The following IL1RAPL2 variants were observed in gnomAD, a reference collection of about 807,000 sequenced individuals.
The protein encoded by IL1RAPL2 is X-linked interleukin-1 receptor accessory protein-like 2.
A neutral mutation model predicts 44.1 loss-of-function variants in IL1RAPL2; 3 were observed. That is an observed-to-expected ratio of 0.07 (90% CI 0.03 to 0.18). The LOEUF is 0.18. Ranked by LOEUF, IL1RAPL2 falls within the 10% of genes least tolerant of loss-of-function variation. The pLI is 1.00. For missense variants in IL1RAPL2, 391 were observed against 496.4 expected (o/e 0.79, Z 2.02); for synonymous variants, 181 against 178.8 (o/e 1.01, Z -0.10).
At chrX:105,580,362 GT>G (rs149950677) in intron 6 of IL1RAPL2, among the ~76,000 whole-genome samples, 1,395 of 84,586 alleles carry the variant, frequency 0.016, 62 homozygotes, top group African/African-American at 0.039. Flanking sequence ...AACCCCCCGT[GT>G]TTTTTTTTTT....
At chrX:104,870,697 C>T (rs759231380) in intron 2 of IL1RAPL2, among the ~76,000 whole-genome samples, 49 of 111,827 alleles carry the variant, frequency 4.4e-4, no homozygotes, top group Middle Eastern at 4.6e-3. Context: ...GTCAGGGTGG[C>T]ATTATATTTT....
intron 5 of IL1RAPL2, among the ~76,000 whole-genome samples, chrX:105,471,816 G>T (rs1569445124): frequency 9.0e-6 from 1 of 111,522 alleles, no homozygotes; most frequent in African/African-American, 3.3e-5. Flanking sequence ...GTAACCTCAG[G>T]TAATAACCCC....
rs761530442 is a variant in IL1RAPL2 at position 105,693,949 on chromosome X, C to A, written c.773-23418C>A. On this transcript the variant is annotated intron_variant, in intron 6 of 10. Transcript: ENST00000372582. ...CAGCCCTCATGACACTTTGACGAATCCACTGAAAGCAGTTTTGGGCTTCTG... is the reference window on the plus strand; with the variant it reads ...CAGCCCTCATGACACTTTGACGAATACACTGAAAGCAGTTTTGGGCTTCTG... 3.6e-5 allele frequency among the ~76,000 whole-genome samples: 4 copies of A among 112,010 alleles called. No individual in the cohort carries two copies. In the East Asian group the frequency reaches 1.1e-3, roughly 32 times the overall value.
At chrX:104,852,299 A>G (rs1390251599) in intron 2 of IL1RAPL2, among the ~76,000 whole-genome samples, 3 of 112,334 alleles carry the variant, frequency 2.7e-5, no homozygotes, top group East Asian at 5.6e-4. Flanking sequence ...TGTCTTTAAG[A>G]TAATTATCTT....
chrX:105,093,889 TA>T (rs1167286920), intron 2 of IL1RAPL2, among the ~76,000 whole-genome samples: 2 of 111,544 alleles, frequency 1.8e-5, no homozygotes, highest in Non-Finnish European at 3.8e-5. Context: ...ATGCTAATAC[TA>T]AAACACATCT....
intron 2 of IL1RAPL2, among the ~76,000 whole-genome samples, chrX:104,924,371 C>T (rs981280567): frequency 3.6e-5 from 4 of 111,828 alleles, no homozygotes; most frequent in Non-Finnish European, 7.5e-5. Context: ...ATTTACAGAA[C>T]ATTCTACCCA....
At chrX:105,030,563 C>A (rs1376990239) in intron 2 of IL1RAPL2, among the ~76,000 whole-genome samples, 2 of 111,421 alleles carry the variant, frequency 1.8e-5, no homozygotes, top group African/African-American at 6.5e-5. Flanking sequence ...TGTAGATATG[C>A]ACCATTATTT....
intron 6 of IL1RAPL2, among the ~76,000 whole-genome samples, chrX:105,693,902 C>CCAG (rs2038056618): frequency 8.9e-6 from 1 of 111,814 alleles, no homozygotes; most frequent in Admixed American, 9.5e-5. Context: ...AACATTCTCC[C>CCAG]CCTAAGCTTC....
chrX:105,224,115 C>CA (rs1317663123), intron 3 of IL1RAPL2, among the ~76,000 whole-genome samples: 4 of 109,113 alleles, frequency 3.7e-5, no homozygotes, highest in Non-Finnish European at 7.6e-5. Context: ...ATAAGCAGGA[C>CA]AAAAAAACAG....
In IL1RAPL2 at chrX:105,593,635, T is replaced by C. The variant is rs777937945; in HGVS notation, c.772+109248T>C. Among the ~76,000 whole-genome samples the C allele has an allele frequency of 5.8e-4, 65 of 111,469 alleles. 1 individual carries two copies. The highest frequency in any genetic ancestry group is 3.0e-4 in the Non-Finnish European group (16 of 53,097). On this transcript the variant is annotated intron_variant, in intron 6 of 10. Coordinates refer to ENST00000372582, the MANE Select transcript of IL1RAPL2 (RefSeq NM_017416.2). ...TTCTTTGATACCATTGTGGGTTTGATATAAGGTGGGTTCATTTGACTGGCT... is the reference window on the plus strand; with the variant it reads ...TTCTTTGATACCATTGTGGGTTTGACATAAGGTGGGTTCATTTGACTGGCT...
intron 7 of IL1RAPL2, among the ~76,000 whole-genome samples, chrX:105,725,958 G>T: frequency 9.0e-6 from 1 of 111,108 alleles, no homozygotes; most frequent in Non-Finnish European, 1.9e-5. Flanking sequence ...GTTAACTAAA[G>T]GTACATTTTT....
intron 2 of IL1RAPL2, among the ~76,000 whole-genome samples, chrX:104,806,236 A>C (rs954205864): frequency 8.9e-6 from 1 of 112,461 alleles, no homozygotes. Flanking sequence ...TTAAGCTTTA[A>C]GGTGATACAC....
At chrX:105,363,308 A>AATATAT (rs1219827978) in intron 5 of IL1RAPL2, among the ~76,000 whole-genome samples, 1 of 68,554 alleles carries the variant, frequency 1.5e-5, no homozygotes, top group African/African-American at 1.3e-4. Flanking sequence ...ATATATATAT[A>AATATAT]ATATATATAT....
intron 6 of IL1RAPL2, among the ~76,000 whole-genome samples, chrX:105,590,010 G>A (rs746977848): frequency 8.9e-6 from 1 of 111,848 alleles, no homozygotes; most frequent in African/African-American, 3.2e-5. Flanking sequence ...ATCCATGAGC[G>A]TGGGATGTTT....
intron 6 of IL1RAPL2, among the ~76,000 whole-genome samples, chrX:105,642,498 A>G (rs1001461335): frequency 3.6e-5 from 4 of 111,990 alleles, no homozygotes; most frequent in African/African-American, 1.3e-4. Flanking sequence ...CAAATGAATT[A>G]TCCCTCACCA....
chrX:104,988,740 T>C (rs2030606836), intron 2 of IL1RAPL2, among the ~76,000 whole-genome samples: 1 of 112,288 alleles, frequency 8.9e-6, no homozygotes, highest in South Asian at 3.6e-4. Context: ...TTAGAAATTG[T>C]GTGTCAAAGA....
At chrX:104,656,415 C>T (rs1157989867) in intron 1 of IL1RAPL2, among the ~76,000 whole-genome samples, 4 of 111,840 alleles carry the variant, frequency 3.6e-5, no homozygotes, top group African/African-American at 1.3e-4. Context: ...TTTATTTCTG[C>T]CTTCATTTCG....
chrX:105,606,191 A>C lies in IL1RAPL2; in HGVS notation c.773-111176A>C, dbSNP rs757746584. ...AGTAATTAATATGCAGAATATACAA[A>C]GAACTCAAAACTTAGCACAGAAACC... is the stretch of plus-strand genomic sequence containing the variant. On this transcript the variant is annotated intron_variant, in intron 6 of 10. Transcript: ENST00000372582. Among the ~76,000 whole-genome samples the C allele has an allele frequency of 4.5e-5, 5 of 111,963 alleles. No homozygotes were observed. In the East Asian group the frequency reaches 1.1e-3, roughly 25 times the overall value.
intron 5 of IL1RAPL2, among the ~76,000 whole-genome samples, chrX:105,370,123 C>T (rs916958357): frequency 2.7e-5 from 3 of 112,007 alleles, no homozygotes; most frequent in Non-Finnish European, 5.6e-5. Context: ...TATTTTCTTA[C>T]ACCTTGGCCC....
Sources: gnomAD v4.1 joint callset for allele counts (sites outside exome capture counted in the v4.1 genomes callset) on GRCh38, gnomAD v4.1.1 for gene constraint, MANE v1.5 for transcripts, NCBI Gene and HGNC (gene_info 2026-07-23, HGNC 2026-07-21) for gene names.